The following MYO1H variants were observed in gnomAD, a reference collection of about 807,000 sequenced individuals.
The protein encoded by MYO1H is unconventional myosin-Ih.
Under a neutral mutation model 149.3 loss-of-function variants are expected in MYO1H, and 118 were observed. The ratio of observed to expected loss-of-function variants is 0.79; its 90% CI spans 0.68 to 0.92. The LOEUF is 0.92. MYO1H is among the 40% of genes least tolerant of loss of function. The probability of loss-of-function intolerance (pLI) is 0.00; values close to 1 mark genes in which losing one functional copy is unlikely to be tolerated. For synonymous variants in MYO1H, 447 were observed against 465.2 expected, an observed-to-expected ratio of 0.96 and a Z score of 0.50; for missense variants, 1,212 against 1,280.7, an observed-to-expected ratio of 0.95 and a Z score of 0.82.
At chr12:109,345,502 TC>T (rs1226696903), upstream of MYO1H, among the ~76,000 whole-genome samples, 1 of 152,050 alleles carries the variant, frequency 6.6e-6, no homozygotes, top group Non-Finnish European at 1.5e-5. Context: ...CCTCATACAT[TC>T]TTGGTGGGAA....
upstream of MYO1H, among the ~76,000 whole-genome samples, chr12:109,344,513 T>C (rs905475563): frequency 6.6e-6 from 1 of 152,234 alleles, no homozygotes; most frequent in African/African-American, 2.4e-5. Flanking sequence ...AGATATCCTA[T>C]GCTCACAGAT....
the MYO1H span, among the ~76,000 whole-genome samples, chr12:109,338,288 G>A: frequency 6.6e-6 from 1 of 152,036 alleles, no homozygotes; most frequent in Admixed American, 6.6e-5. Context: ...TTCAAGCATT[G>A]TACTTTAACA....
chr12:109,398,258 G>A (rs927333481), intron 5 of MYO1H, among the ~76,000 whole-genome samples: 7 of 152,086 alleles, frequency 4.6e-5, no homozygotes, highest in African/African-American at 1.2e-4. Flanking sequence ...GCAAGTAAAC[G>A]GACTGAACAG....
intron 1 of MYO1H, among the ~76,000 whole-genome samples, chr12:109,349,960 T>TC (rs1868427718): frequency 5.7e-5 from 4 of 70,144 alleles, no homozygotes; most frequent in African/African-American, 3.0e-4. Flanking sequence ...GACTCTGTCT[T>TC]GAAAAAAAAA....
intron 31 of MYO1H, 61 bp from the exon 32 acceptor site, chr12:109,447,096 CTG>C: frequency 6.6e-7 from 1 of 1,519,020 alleles, no homozygotes; most frequent in Non-Finnish European, 9.0e-7. Flanking sequence ...GAGGTGATAA[CTG>C]TTTCCTTTTG....
At chr12:109,330,731 C>A in the MYO1H span, among the ~76,000 whole-genome samples, 1 of 152,184 alleles carries the variant, frequency 6.6e-6, no homozygotes, top group Admixed American at 6.5e-5. Context: ...CACCCAGTTT[C>A]ATGCAGATCA....
intron 1 of MYO1H, among the ~76,000 whole-genome samples, chr12:109,372,578 C>T (rs1481265319): frequency 6.6e-6 from 1 of 151,958 alleles, no homozygotes; most frequent in Non-Finnish European, 1.5e-5. Flanking sequence ...TATTGAATTG[C>T]TTGTCAATTC....
At chr12:109,447,299 T>A in exon 32 of MYO1H, 1 of 900,504 alleles carries the variant, frequency 1.1e-6, no homozygotes, top group Non-Finnish European at 1.8e-6. Flanking sequence ...CCCGCAGCAC[T>A]AACAGATCAC....
At chr12:109,331,474 G>C in the MYO1H span, among the ~76,000 whole-genome samples, 10 of 152,236 alleles carry the variant, frequency 6.6e-5, no homozygotes, top group African/African-American at 1.9e-4. Flanking sequence ...ACTGGGGTGC[G>C]GTGGGGCGGG....
chr12:109,425,887 G>A (rs1402387190), intron 17 of MYO1H, 59 bp from the exon 18 acceptor site: 12 of 1,242,176 alleles, frequency 9.7e-6, no homozygotes, highest in East Asian at 4.8e-5. Flanking sequence ...TTTTGTATTC[G>A]TTGGAAGCAG....
At chr12:109,313,486 C>A in the MYO1H span, among the ~76,000 whole-genome samples, 7 of 152,204 alleles carry the variant, frequency 4.6e-5, no homozygotes, top group Admixed American at 3.3e-4. Context: ...CTGCTGTTAG[C>A]ATGACTGATA....
At chr12:109,379,131 C>G (rs1869149096) in intron 1 of MYO1H, among the ~76,000 whole-genome samples, 1 of 152,206 alleles carries the variant, frequency 6.6e-6, no homozygotes, top group African/African-American at 2.4e-5. Flanking sequence ...AGCCTCACCA[C>G]ATTTCAAGTG....
At chr12:109,344,256 C>T (rs1036968142), upstream of MYO1H, among the ~76,000 whole-genome samples, 18 of 151,980 alleles carry the variant, frequency 1.2e-4, 1 homozygote, top group Admixed American at 5.9e-4. Flanking sequence ...AAAAATATGA[C>T]ACCAAGAAAA....
intron 4 of MYO1H, among the ~76,000 whole-genome samples, chr12:109,396,829 T>TTG (rs1869936190): frequency 8.0e-6 from 1 of 125,260 alleles, no homozygotes; most frequent in African/African-American, 3.1e-5. Context: ...TTTTTTTTTT[T>TTG]TTTTTTTTTT....
the MYO1H span, among the ~76,000 whole-genome samples, chr12:109,333,926 A>G: frequency 6.6e-6 from 1 of 151,808 alleles, no homozygotes; most frequent in Non-Finnish European, 1.5e-5. Context: ...TTATTTAGTT[A>G]GTTTGTTTAT....
intron 1 of MYO1H, among the ~76,000 whole-genome samples, chr12:109,350,812 A>G (rs1159191936): frequency 6.6e-6 from 1 of 152,230 alleles, no homozygotes; most frequent in Non-Finnish European, 1.5e-5. Flanking sequence ...TTTTATTTTA[A>G]AATAATGATA....
intron 1 of MYO1H, among the ~76,000 whole-genome samples, chr12:109,387,645 TCTG>T (rs1869408768): frequency 6.6e-6 from 1 of 152,246 alleles, no homozygotes; most frequent in South Asian, 2.1e-4. Context: ...GACTGTACAT[TCTG>T]CTGCACGTGG....
rs569264079 is a variant in MYO1H, at chr12:109,446,647, C to T, written c.3094-512C>T. On this transcript the variant is annotated intron_variant, in intron 31 of 31. Coordinates refer to ENST00000310903, the Ensembl canonical transcript of MYO1H. ...GCATGGTGGCACATGCCTATAGTTCCAGATACTCAGGGAGGCTGAGGCAGG... is the reference window on the plus strand; with the variant it reads ...GCATGGTGGCACATGCCTATAGTTCTAGATACTCAGGGAGGCTGAGGCAGG... 15 of 174,384 alleles carry T rather than the reference C, an allele frequency of 8.6e-5. No homozygotes were observed. In the South Asian group the frequency reaches 2.9e-3, roughly 33 times the overall value. The allele number at this position is 174,384 out of a possible 1,614,324, so 10.8% of individuals were successfully genotyped here. A position where few individuals can be genotyped will look rare whatever the true frequency, so the allele number is the denominator to read the frequency against.
exon 4 of MYO1H, chr12:109,396,560 T>C: frequency 6.2e-7 from 1 of 1,613,228 alleles, no homozygotes; most frequent in Non-Finnish European, 8.5e-7. Flanking sequence ...GACAGACTGC[T>C]GTTCTCCAAC....
Sources: gnomAD v4.1 joint callset for allele counts (sites outside exome capture counted in the v4.1 genomes callset) on GRCh38, gnomAD v4.1.1 for gene constraint, MANE v1.5 for transcripts, NCBI Gene and HGNC (gene_info 2026-07-23, HGNC 2026-07-21) for gene names.